Variants in PKIG observed in about 807,000 individuals in gnomAD.
The protein encoded by PKIG is protein kinase (cAMP-dependent, catalytic) inhibitor gamma.
A neutral mutation model predicts 6.8 loss-of-function variants in PKIG; 1 was observed. The observed-to-expected ratio is 0.15, with a 90% CI of 0.05 to 0.69. PKIG has a LOEUF of 0.69. Ranked by LOEUF, PKIG falls within the 30% of genes least tolerant of loss-of-function variation. The pLI, the probability that PKIG is intolerant of heterozygous loss-of-function variation, is 0.82. For missense variants in PKIG, 77 were observed against 104.0 expected, an observed-to-expected ratio of 0.74 and a Z score of 1.13; for synonymous variants, 39 against 43.0, an observed-to-expected ratio of 0.91 and a Z score of 0.36.
chr20:44,607,995 C>G (rs1432743278), intron 2 of PKIG, among the ~76,000 whole-genome samples: 2 of 151,736 alleles, frequency 1.3e-5, no homozygotes, highest in Non-Finnish European at 2.9e-5. Flanking sequence ...CATGCCCGGC[C>G]AAAATTTTGT....
At chr20:44,551,297 G>A (rs1488348624) in intron 1 of PKIG, among the ~76,000 whole-genome samples, 4 of 152,126 alleles carry the variant, frequency 2.6e-5, no homozygotes, top group African/African-American at 7.2e-5. Context: ...CTTGTGATCT[G>A]CCCACCTCGG....
chr20:44,535,160 A>G (rs1201980005), intron 1 of PKIG, among the ~76,000 whole-genome samples: 3 of 152,172 alleles, frequency 2.0e-5, no homozygotes, highest in Non-Finnish European at 4.4e-5. Context: ...TTAAAAATAC[A>G]TGTACCCAGC....
intron 2 of PKIG, among the ~76,000 whole-genome samples, chr20:44,610,052 G>A (rs1462820730): frequency 6.6e-6 from 1 of 152,186 alleles, no homozygotes. Context: ...GTGAACCTCC[G>A]TGACCTGTAG....
intron 1 of PKIG, among the ~76,000 whole-genome samples, chr20:44,545,647 C>T (rs902693121): frequency 1.1e-4 from 17 of 151,160 alleles, no homozygotes; most frequent in African/African-American, 2.9e-4. Context: ...AGTGAGACCC[C>T]GTCTCTACAA....
At chr20:44,610,686 C>G (rs1246728864) in intron 2 of PKIG, among the ~76,000 whole-genome samples, 1 of 152,156 alleles carries the variant, frequency 6.6e-6, no homozygotes, top group Non-Finnish European at 1.5e-5. Context: ...CCCTTAATCA[C>G]AAAGAACCAC....
chr20:44,565,141 C>G lies in PKIG; in HGVS notation c.-240-17444C>G, dbSNP rs539704750. ...ACCTTTCTCACCATTCTAACTAAAGCAATAGGTTTTGTGTGTTAGTGGGTT... is the reference window on the plus strand; with the variant it reads ...ACCTTTCTCACCATTCTAACTAAAGGAATAGGTTTTGTGTGTTAGTGGGTT... On this transcript the variant is annotated intron_variant, in intron 1 of 4. Transcript: ENST00000372887. Among the ~76,000 whole-genome samples, 3 of 152,282 alleles carry G rather than the reference C, an allele frequency of 2.0e-5. No individual in the cohort carries two copies. The East Asian group carries it at 5.8e-4, about 29-fold the overall frequency.
intron 1 of PKIG, among the ~76,000 whole-genome samples, chr20:44,535,727 C>A (rs372830380): frequency 1.3e-5 from 2 of 152,140 alleles, no homozygotes; most frequent in African/African-American, 2.4e-5. Flanking sequence ...GATTACGGTA[C>A]AGTATGTTAC....
Position 44,618,651 on chromosome 20 carries a change from G to A in PKIG, c.*287G>A, listed in dbSNP as rs979528332. On this transcript the variant is annotated 3_prime_UTR_variant, in exon 4 of 4. Coordinates refer to ENST00000372886, the MANE Select transcript of PKIG (RefSeq NM_001281445.2). ...TGAGCTGGCGCCGGGACTTGGGCGGGGCCTGCCCTACAGTGAGCAGCCCAC... is the reference window on the plus strand; with the variant it reads ...TGAGCTGGCGCCGGGACTTGGGCGGAGCCTGCCCTACAGTGAGCAGCCCAC... 1.9e-5 allele frequency: 7 copies of A among 367,174 alleles called. No homozygotes were observed. Among genetic ancestry groups the A allele is most frequent in the Admixed American group, 4.0e-5 (1 of 25,246 alleles). 22.7% of individuals were successfully genotyped at this position (367,174 alleles called of 1,614,324 possible).
At chr20:44,596,562 T>A (rs1479420730) in intron 2 of PKIG, among the ~76,000 whole-genome samples, 1 of 152,236 alleles carries the variant, frequency 6.6e-6, no homozygotes, top group Non-Finnish European at 1.5e-5. Flanking sequence ...GCAAACATGT[T>A]GCTCTTCCAG....
chr20:44,538,260 A>C (rs1172849849), intron 1 of PKIG, among the ~76,000 whole-genome samples: 2 of 152,182 alleles, frequency 1.3e-5, no homozygotes, highest in African/African-American at 4.8e-5. Flanking sequence ...GGATTTCCAA[A>C]AGATGTAAAT....
intron 2 of PKIG, among the ~76,000 whole-genome samples, chr20:44,597,003 C>T (rs140186111): frequency 6.6e-6 from 1 of 152,276 alleles, no homozygotes. Flanking sequence ...GCAGCAGGCT[C>T]CCCTTGCCTC....
At chr20:44,593,364 AAC>A (rs55947972) in intron 2 of PKIG, among the ~76,000 whole-genome samples, 29,039 of 132,174 alleles carry the variant, frequency 0.22, 3,381 homozygotes, top group South Asian at 0.38. Context: ...TATAATAATC[AAC>A]ACACACACAC....
chr20:44,560,998 A>T (rs2064762298), intron 1 of PKIG, among the ~76,000 whole-genome samples: 1 of 152,250 alleles, frequency 6.6e-6, no homozygotes, highest in Admixed American at 6.5e-5. Flanking sequence ...TGCAGAATGT[A>T]AAACACTGTA....
At position 44,614,549 on chromosome 20, in the gene PKIG, C is replaced by A. The variant is rs1350998699; in HGVS notation, c.-8C>A. 1 of 1,613,414 alleles carries A rather than the reference C, an allele frequency of 6.2e-7. No individual in the cohort carries two copies. The highest frequency in any genetic ancestry group is 8.5e-7 in the Non-Finnish European group (1 of 1,179,718). The stretch of plus-strand genomic sequence containing the variant: ...GTCCCCACAGGCCTGAGGAGCGATG[C>A]GACAGGCATGATGGAGGTCGAGTCC... On this transcript the variant is annotated 5_prime_UTR_variant, in exon 3 of 4. Transcript: ENST00000372886. The surrounding 1 kb of genome is among the most constrained non-coding windows in gnomAD (Gnocchi z 4.6).
chr20:44,604,645 T>A (rs1475868372), intron 2 of PKIG, among the ~76,000 whole-genome samples: 1 of 152,168 alleles, frequency 6.6e-6, no homozygotes, highest in East Asian at 1.9e-4. Flanking sequence ...ACTCGTTGTG[T>A]TTAGGGTTAC....
intron 1 of PKIG, among the ~76,000 whole-genome samples, chr20:44,571,186 A>T (rs192754070): frequency 6.6e-6 from 1 of 152,218 alleles, no homozygotes; most frequent in East Asian, 1.9e-4. Context: ...GTGAGCTGAG[A>T]TCGTGCTCTC....
At chr20:44,581,212 G>A (rs2064945334), upstream of PKIG, among the ~76,000 whole-genome samples, 1 of 152,170 alleles carries the variant, frequency 6.6e-6, no homozygotes, top group African/African-American at 2.4e-5. Context: ...AGGAAGGAGA[G>A]ATTAATAATG....
chr20:44,587,681 A>G (rs2065001571), intron 1 of PKIG, among the ~76,000 whole-genome samples: 1 of 152,186 alleles, frequency 6.6e-6, no homozygotes, highest in Non-Finnish European at 1.5e-5. Context: ...CACTTAAAAT[A>G]AATCATCACT....
chr20:44,574,953 T>A (rs1600864495), intron 1 of PKIG, among the ~76,000 whole-genome samples: 1 of 152,360 alleles, frequency 6.6e-6, no homozygotes, highest in East Asian at 1.9e-4. Context: ...AATCCTTTAT[T>A]ATTAGCAGTG....
Sources: gnomAD v4.1 joint callset for allele counts (sites outside exome capture counted in the v4.1 genomes callset) on GRCh38, gnomAD v4.1.1 for gene constraint, Gnocchi (gnomAD v3.1) non-coding constraint, MANE v1.5 for transcripts, NCBI Gene and HGNC (gene_info 2026-07-23, HGNC 2026-07-21) for gene names.